Variants in CFAP210 observed in about 807,000 individuals in gnomAD.
CFAP210 encodes cilia and flagella associated protein 210.
the CFAP210 span, among the ~76,000 whole-genome samples, chr2:169,652,261 G>A: frequency 1.3e-5 from 2 of 151,948 alleles, no homozygotes; most frequent in African/African-American, 2.4e-5. Context: ...GAAGACAAAA[G>A]ATAATAAATG....
chr2:169,689,937 G>C, the CFAP210 span, among the ~76,000 whole-genome samples: 1 of 152,090 alleles, frequency 6.6e-6, no homozygotes, highest in Non-Finnish European at 1.5e-5. Context: ...ATACCACTTG[G>C]TCATGGTATA....
chr2:169,658,196 C>A, the CFAP210 span: 1 of 152,100 alleles, frequency 6.6e-6, no homozygotes, highest in Non-Finnish European at 1.5e-5. Context: ...AACATACACC[C>A]TTACAAAAAA....
chr2:169,666,103 T>A, the CFAP210 span, among the ~76,000 whole-genome samples: 1 of 152,116 alleles, frequency 6.6e-6, no homozygotes, highest in Non-Finnish European at 1.5e-5. Flanking sequence ...ACCTTCTCTA[T>A]GTCTAAAACC....
At chr2:169,694,147 T>G in the CFAP210 span, 1 of 985,284 alleles carries the variant, frequency 1.0e-6, no homozygotes, top group East Asian at 2.5e-5. Flanking sequence ...GCTTTCGACC[T>G]GGTGGAGTCC....
chr2:169,650,935 A>G, the CFAP210 span, among the ~76,000 whole-genome samples: 1 of 151,950 alleles, frequency 6.6e-6, no homozygotes, highest in African/African-American at 2.4e-5. Context: ...CCCCATCTCC[A>G]CAAATTTTTT....
At chr2:169,666,440 T>G in the CFAP210 span, among the ~76,000 whole-genome samples, 1 of 151,352 alleles carries the variant, frequency 6.6e-6, no homozygotes, top group African/African-American at 2.4e-5. Flanking sequence ...CTCAATAAAG[T>G]AAGTCACTCA....
the CFAP210 span, among the ~76,000 whole-genome samples, chr2:169,661,881 G>A: frequency 1.3e-5 from 2 of 152,074 alleles, no homozygotes; most frequent in Non-Finnish European, 2.9e-5. Flanking sequence ...CATTATGTGT[G>A]AGCTAAAAAG....
chr2:169,657,786 C>A, the CFAP210 span, among the ~76,000 whole-genome samples: 1 of 151,882 alleles, frequency 6.6e-6, no homozygotes, highest in Non-Finnish European at 1.5e-5. Context: ...AGATGAAGAT[C>A]ATCAATGGCA....
chr2:169,694,339 A>G, the CFAP210 span: 2 of 1,613,520 alleles, frequency 1.2e-6, no homozygotes, highest in Middle Eastern at 1.6e-4. Context: ...ATGCTCCTAG[A>G]TCTGGAAAAG....
At chr2:169,668,366 T>C in the CFAP210 span, among the ~76,000 whole-genome samples, 1 of 152,248 alleles carries the variant, frequency 6.6e-6, no homozygotes. Flanking sequence ...ATTTTCTCCA[T>C]ATCAGCAGTA....
chr2:169,646,979 C>T, the CFAP210 span, among the ~76,000 whole-genome samples: 1 of 151,834 alleles, frequency 6.6e-6, no homozygotes, highest in Admixed American at 6.6e-5. Context: ...TCTCAAAATC[C>T]AAAATGTTGG....
the CFAP210 span, chr2:169,662,508 A>G: frequency 1.1e-5 from 15 of 1,306,712 alleles, no homozygotes; most frequent in East Asian, 5.0e-5. Context: ...AATGAATTCA[A>G]TTCCAACCTG....
At chr2:169,658,977 C>T in the CFAP210 span, 1 of 168,550 alleles carries the variant, frequency 5.9e-6, no homozygotes. Context: ...TTAAAGTAGC[C>T]AGGCATAGTG....
chr2:169,678,447 T>C, the CFAP210 span, among the ~76,000 whole-genome samples: 1 of 151,414 alleles, frequency 6.6e-6, no homozygotes. Context: ...ATAATGTAAC[T>C]ATCTCCAAAT....
the CFAP210 span, among the ~76,000 whole-genome samples, chr2:169,686,027 A>T: frequency 6.6e-6 from 1 of 152,130 alleles, no homozygotes; most frequent in Admixed American, 6.5e-5. Flanking sequence ...TTGTTTTTAG[A>T]AACAGGGTCT....
the CFAP210 span, chr2:169,662,358 A>G: frequency 6.2e-7 from 1 of 1,605,940 alleles, no homozygotes. Context: ...CATATAATGC[A>G]TTCTGTCGCT....
chr2:169,658,858 G>A, the CFAP210 span: 1 of 190,760 alleles, frequency 5.2e-6, no homozygotes, highest in Non-Finnish European at 1.1e-5. Context: ...AGTTGTGGTA[G>A]CTCATGTCTA....
chr2:169,691,115 T>C, the CFAP210 span, among the ~76,000 whole-genome samples: 1 of 152,174 alleles, frequency 6.6e-6, no homozygotes, highest in Non-Finnish European at 1.5e-5. Context: ...TCTTTCTCAT[T>C]ATTCTGAGAC....
the CFAP210 span, among the ~76,000 whole-genome samples, chr2:169,662,963 C>T: frequency 0.64 from 97,975 of 152,080 alleles, 32,117 homozygotes; most frequent in African/African-American, 0.78. Flanking sequence ...TTTCAGAACA[C>T]ATGTGTGAGT....
Sources: gnomAD v4.1 joint callset for allele counts (sites outside exome capture counted in the v4.1 genomes callset) on GRCh38, gnomAD v4.1.1 for gene constraint, MANE v1.5 for transcripts, NCBI Gene and HGNC (gene_info 2026-07-23, HGNC 2026-07-21) for gene names.